The following ITGA11 variants were observed in gnomAD, a reference collection of about 807,000 sequenced individuals.
The protein encoded by ITGA11 is integrin alpha-11.
Under a neutral mutation model 141.9 loss-of-function variants are expected in ITGA11, and 97 were observed. The ratio of observed to expected loss-of-function variants is 0.68; its 90% CI spans 0.58 to 0.81. The LOEUF (loss-of-function observed/expected upper bound fraction) is 0.81. Ranked by LOEUF, ITGA11 falls within the 30% of genes least tolerant of loss-of-function variation. The pLI, the probability that ITGA11 is intolerant of heterozygous loss-of-function variation, is 0.00. For missense variants in ITGA11, 1,387 were observed against 1,559.2 expected, an observed-to-expected ratio of 0.89 and a Z score of 1.86; for synonymous variants, 658 against 624.6, an observed-to-expected ratio of 1.05 and a Z score of -0.80.
rs377767119 is a variant in ITGA11 at position 68,303,128 on chromosome 15, G to C, written c.3498C>G (p.Leu1166=). 1.9e-6 allele frequency: 3 copies of C among 1,551,110 alleles called. No individual in the cohort carries two copies. Among genetic ancestry groups the C allele is most frequent in the African/African-American group, 1.4e-5 (1 of 73,078 alleles). ...LALLVLALWK[L]GFFRSARRRR... is the part of the protein sequence containing the mutation. ...TGCGCCTGGCACTTCTAAAGAAGCC[G>C]AGCTGTGAGGAGGCAAAGGGAGACG... Residue 1166 remains leucine, a splice_region_variant and synonymous_variant, in exon 30 of 30, where the codon CTC becomes CTG. Coordinates refer to ENST00000315757, the MANE Select transcript of ITGA11 (RefSeq NM_001004439.2). The surrounding 1 kb of genome is among the most constrained non-coding windows in gnomAD (Gnocchi z 5.3).
intron 11 of ITGA11, among the ~76,000 whole-genome samples, chr15:68,336,412 C>T (rs1171947854): frequency 6.6e-6 from 1 of 152,142 alleles, no homozygotes; most frequent in East Asian, 1.9e-4. Context: ...CAAAGCTTTG[C>T]AGACTCAAAG....
Position 68,321,317 on chromosome 15 carries a change from T to A in ITGA11, c.2408+101A>T, listed in dbSNP as rs1893799429. 3 of 653,500 alleles carry A rather than the reference T, an allele frequency of 4.6e-6. No homozygotes were observed. The East Asian group carries it at 9.7e-5, about 21-fold the overall frequency. 40.5% of individuals were successfully genotyped at this position (653,500 alleles called of 1,614,324 possible). A position where few individuals can be genotyped will look rare whatever the true frequency, so the allele number is the denominator to read the frequency against. On this transcript the variant is annotated intron_variant, in intron 19 of 29. Coordinates refer to ENST00000315757, the MANE Select transcript of ITGA11 (RefSeq NM_001004439.2). The surrounding 1 kb of genome is among the most constrained non-coding windows in gnomAD (Gnocchi z 4.9). ...TGCAATGTTTGATCCATGCTGCCTG[T>A]GAGGAGGATGTCCAGGAAATAATCC...
intron 9 of ITGA11, 22 bp from the exon 10 acceptor site, chr15:68,348,922 A>G (rs1419288801): frequency 6.3e-7 from 1 of 1,590,872 alleles, no homozygotes; most frequent in Non-Finnish European, 8.6e-7. Context: ...TGACAGAGAG[A>G]TGTCAGCTCC....
At chr15:68,355,982 G>T (rs1198039665) in intron 7 of ITGA11, among the ~76,000 whole-genome samples, 1 of 152,194 alleles carries the variant, frequency 6.6e-6, no homozygotes, top group Non-Finnish European at 1.5e-5. Flanking sequence ...ATTTCAGTGG[G>T]GGGTGAGCAC....
At chr15:68,330,391 G>C (rs1160444818) in intron 15 of ITGA11, among the ~76,000 whole-genome samples, 4 of 148,522 alleles carry the variant, frequency 2.7e-5, no homozygotes, top group South Asian at 2.1e-4. Context: ...GGCAGGCTGA[G>C]TGATTTTTTT....
intron 10 of ITGA11, among the ~76,000 whole-genome samples, 193 bp downstream of exon 10, chr15:68,348,637 G>A (rs946138265): frequency 2.0e-5 from 3 of 152,200 alleles, no homozygotes; most frequent in Non-Finnish European, 4.4e-5. Context: ...AACATAAATA[G>A]GTGGAAGACC....
At chr15:68,384,884 C>A (rs955590629) in intron 2 of ITGA11, among the ~76,000 whole-genome samples, 3 of 152,338 alleles carry the variant, frequency 2.0e-5, no homozygotes, top group Admixed American at 2.0e-4. Context: ...CCAGGCCTGG[C>A]AGCCTGCACT....
At chr15:68,342,397 C>A (rs1311304236) in intron 10 of ITGA11, among the ~76,000 whole-genome samples, 1 of 152,198 alleles carries the variant, frequency 6.6e-6, no homozygotes, top group African/African-American at 2.4e-5. Flanking sequence ...ATTTTCCTGG[C>A]GTTCTGTGTA....
intron 1 of ITGA11, among the ~76,000 whole-genome samples, chr15:68,413,039 C>G (rs1049942317): frequency 1.3e-5 from 2 of 152,208 alleles, no homozygotes; most frequent in South Asian, 4.2e-4. Flanking sequence ...AGCCTCCAAA[C>G]TTTGTTTTTC....
chr15:68,341,837 C>A (rs1894583101), intron 10 of ITGA11, among the ~76,000 whole-genome samples: 1 of 152,190 alleles, frequency 6.6e-6, no homozygotes, highest in African/African-American at 2.4e-5. Flanking sequence ...CGGGGAGACC[C>A]CTCACACTGA....
chr15:68,373,684 C>T (rs557486717), intron 2 of ITGA11, among the ~76,000 whole-genome samples: 2 of 152,324 alleles, frequency 1.3e-5, no homozygotes, highest in Non-Finnish European at 2.9e-5. Context: ...AGACTTAAAT[C>T]TCCCCAATCA....
Position 68,300,792 on chromosome 15 carries a change from C to T in ITGA11, c.*2267G>A, listed in dbSNP as rs1300510710. Reference sequence around the variant, plus strand: ...TCCAGAGGTTGCAATTCAGTGACCTCTGGGCTGCATCTGACCAGCAGGTAC... The same window carrying T: ...TCCAGAGGTTGCAATTCAGTGACCTTTGGGCTGCATCTGACCAGCAGGTAC... On this transcript the variant is annotated 3_prime_UTR_variant, in exon 30 of 30. Transcript: ENST00000315757. 2 of 152,214 alleles carry T rather than the reference C, an allele frequency of 1.3e-5. No individual in the cohort carries two copies. The highest frequency in any genetic ancestry group is 2.1e-4 in the South Asian group (1 of 4,824). 9.4% of individuals were successfully genotyped at this position (152,214 alleles called of 1,614,324 possible).
At chr15:68,382,657 T>C (rs1275922604) in intron 2 of ITGA11, among the ~76,000 whole-genome samples, 6 of 152,242 alleles carry the variant, frequency 3.9e-5, no homozygotes, top group Non-Finnish European at 8.8e-5. Flanking sequence ...TTCCCTCTCT[T>C]CTCTCTTGTT....
intron 23 of ITGA11, 90 bp from the exon 24 acceptor site, chr15:68,312,953 C>T: frequency 2.1e-6 from 2 of 943,402 alleles, no homozygotes; most frequent in Non-Finnish European, 3.3e-6. Context: ...CATGTGCCGG[C>T]CTCCCCCGGG....
chr15:68,362,751 T>G (rs114519143), intron 4 of ITGA11, among the ~76,000 whole-genome samples: 2,947 of 152,022 alleles, frequency 0.019, 113 homozygotes, highest in African/African-American at 0.067. Flanking sequence ...GGATGATGGA[T>G]AGTGGACAGA....
intron 4 of ITGA11, among the ~76,000 whole-genome samples, chr15:68,363,741 G>T (rs1001043304): frequency 4.6e-5 from 7 of 152,156 alleles, no homozygotes; most frequent in Non-Finnish European, 1.0e-4. Flanking sequence ...GAAGGATCCT[G>T]TTTGAACCCC....
At position 68,350,836 on chromosome 15, in the gene ITGA11, C is replaced by T. The variant is rs1035948939; in HGVS notation, c.895-54G>A. The T allele has an allele frequency of 6.4e-6, 10 of 1,563,782 alleles. No individual in the cohort carries two copies. In the African/African-American group the frequency reaches 1.4e-4, roughly 21 times the overall value. On this transcript the variant is annotated intron_variant, in intron 8 of 29. Transcript: ENST00000315757. ...AACCAGAACATAGCACAGACTTTCCCATACACCACACGGCCTAGACCCTGG... is the reference window on the plus strand; with the variant it reads ...AACCAGAACATAGCACAGACTTTCCTATACACCACACGGCCTAGACCCTGG...
intron 2 of ITGA11, among the ~76,000 whole-genome samples, chr15:68,395,334 A>T (rs1567155789): frequency 6.6e-6 from 1 of 152,146 alleles, no homozygotes. Flanking sequence ...GACTTTGACG[A>T]GTTGACAGAA....
intron 2 of ITGA11, among the ~76,000 whole-genome samples, chr15:68,382,415 A>T (rs1029090603): frequency 5.3e-5 from 8 of 151,992 alleles, no homozygotes; most frequent in East Asian, 1.9e-4. Context: ...AAGGAAAATT[A>T]AAAAAAATAA....
Sources: gnomAD v4.1 joint callset for allele counts (sites outside exome capture counted in the v4.1 genomes callset) on GRCh38, gnomAD v4.1.1 for gene constraint, Gnocchi (gnomAD v3.1) non-coding constraint, MANE v1.5 for transcripts, NCBI Gene and HGNC (gene_info 2026-07-23, HGNC 2026-07-21) for gene names.